PPP3CA: variants seen among roughly 807,000 people sequenced by gnomAD.
PPP3CA encodes the protein CAM-PRP catalytic subunit.
PPP3CA carries 14 observed loss-of-function variants against 66.5 expected under a neutral mutation model. The observed-to-expected ratio is 0.21, with a 90% confidence interval of 0.14 to 0.33. PPP3CA has a LOEUF of 0.33. PPP3CA is among the 10% of genes least tolerant of loss of function. The pLI is 1.00. For synonymous variants in PPP3CA, 232 were observed against 226.2 expected, an observed-to-expected ratio of 1.03 and a Z score of -0.23; for missense variants, 317 against 639.5, an observed-to-expected ratio of 0.50 and a Z score of 5.44.
chr4:101,068,474 G>T (rs200142649), intron 8 of PPP3CA, among the ~76,000 whole-genome samples: 66 of 151,998 alleles, frequency 4.3e-4, no homozygotes, highest in African/African-American at 1.4e-3. Flanking sequence ...GCATGCAGGG[G>T]TTTTTTTAAA....
chr4:101,329,593 G>T (rs1210872120), intron 1 of PPP3CA, among the ~76,000 whole-genome samples: 1 of 152,182 alleles, frequency 6.6e-6, no homozygotes, highest in Non-Finnish European at 1.5e-5. Context: ...TTCACAGCTA[G>T]AGAGGGGAAG....
Position 101,294,462 on chromosome 4 carries a change from T to C in PPP3CA, c.58+52277A>G, listed in dbSNP as rs550113481. ...CTCTATTTATTTGTTTGCCTTGGGG[T>C]ATTTCAGTATTATAATTTTATAACC... is the stretch of plus-strand genomic sequence containing the variant. On this transcript the variant is annotated intron_variant, in intron 1 of 13. Coordinates refer to ENST00000394854, the MANE Select transcript of PPP3CA (RefSeq NM_000944.5). Among the ~76,000 whole-genome samples, 21 of 152,312 alleles carry C rather than the reference T, an allele frequency of 1.4e-4. No homozygotes were observed. The South Asian group carries it at 3.5e-3, about 26-fold the overall frequency.
chr4:101,041,632 C>T (rs926630038), intron 10 of PPP3CA, among the ~76,000 whole-genome samples: 1 of 151,814 alleles, frequency 6.6e-6, no homozygotes, highest in Non-Finnish European at 1.5e-5. Context: ...ACAGGCTTCA[C>T]CAGGTTGGTC....
intron 11 of PPP3CA, among the ~76,000 whole-genome samples, chr4:101,033,787 C>A (rs189433674): frequency 1.3e-5 from 2 of 152,324 alleles, no homozygotes; most frequent in East Asian, 3.9e-4. Context: ...CAGTCACTCC[C>A]TATTTCCTTC....
intron 10 of PPP3CA, among the ~76,000 whole-genome samples, chr4:101,057,026 A>C (rs1264201973): frequency 6.6e-6 from 1 of 151,956 alleles, no homozygotes; most frequent in African/African-American, 2.4e-5. Flanking sequence ...CTGATTGCTT[A>C]TACTGAAATA....
At chr4:101,300,457 T>C (rs1247836753) in intron 1 of PPP3CA, among the ~76,000 whole-genome samples, 2 of 152,168 alleles carry the variant, frequency 1.3e-5, no homozygotes, top group African/African-American at 2.4e-5. Flanking sequence ...ATTACCATAG[T>C]GATAAAACCA....
At chr4:101,099,776 A>C in intron 3 of PPP3CA, 54 bp from the exon 4 acceptor site, 1 of 946,282 alleles carries the variant, frequency 1.1e-6, no homozygotes, top group Non-Finnish European at 1.5e-6. Flanking sequence ...ACACTTATGC[A>C]TTTCATTGCT....
chr4:101,111,133 C>A (rs768317729), intron 2 of PPP3CA, among the ~76,000 whole-genome samples: 1 of 152,110 alleles, frequency 6.6e-6, no homozygotes, highest in Non-Finnish European at 1.5e-5. Flanking sequence ...ATCACAAGCA[C>A]CACTTTCTCT....
chr4:101,106,009 A>T (rs1330721008), intron 3 of PPP3CA, among the ~76,000 whole-genome samples: 1 of 152,158 alleles, frequency 6.6e-6, no homozygotes, highest in Non-Finnish European at 1.5e-5. Context: ...AATAATTTTT[A>T]AAATATTCAC....
At chr4:101,126,194 G>A (rs1387013290) in intron 2 of PPP3CA, among the ~76,000 whole-genome samples, 1 of 152,156 alleles carries the variant, frequency 6.6e-6, no homozygotes, top group Non-Finnish European at 1.5e-5. Context: ...TTCTCCTACT[G>A]TAGTATCCTG....
chr4:101,127,404 T>C (rs1235969322), intron 2 of PPP3CA, among the ~76,000 whole-genome samples: 1 of 151,954 alleles, frequency 6.6e-6, no homozygotes, highest in Non-Finnish European at 1.5e-5. Context: ...CTTAATCCAA[T>C]ATAACTGGTG....
intron 1 of PPP3CA, among the ~76,000 whole-genome samples, chr4:101,276,040 G>T (rs1727486683): frequency 2.0e-5 from 3 of 151,760 alleles, no homozygotes; most frequent in African/African-American, 7.3e-5. Context: ...GATTAAAGGT[G>T]CACCATCATG....
intron 3 of PPP3CA, among the ~76,000 whole-genome samples, chr4:101,105,638 A>G (rs1271640339): frequency 6.6e-6 from 1 of 152,200 alleles, no homozygotes; most frequent in East Asian, 1.9e-4. Context: ...ATATTATCCA[A>G]AGATGGAGTT....
In PPP3CA at chr4:101,029,352, AAAAAAAAAAAAAAAAAAAAAG is replaced by A. The variant is rs1478380047; in HGVS notation, c.1340-178_1340-158del. On this transcript the variant is annotated intron_variant, in intron 12 of 13. Transcript: ENST00000394854. ...AGACAACAAAACAGAAATGCTAAAA[AAAAAAAAAAAAAAAAAAAAAG>A]AAAAAAAATGCCACAGAAATTATAA... 4.2e-3 allele frequency among the ~76,000 whole-genome samples: 583 copies of A among 138,766 alleles called. 4 individuals are homozygous for A. The highest frequency in any genetic ancestry group is 0.013 in the African/African-American group (506 of 38,274). 91.0% of individuals were successfully genotyped at this position (138,766 alleles called of 152,430 possible). A position where few individuals can be genotyped will look rare whatever the true frequency, so the allele number is the denominator to read the frequency against.
At chr4:101,298,613 T>C (rs1264418388) in intron 1 of PPP3CA, among the ~76,000 whole-genome samples, 3 of 152,094 alleles carry the variant, frequency 2.0e-5, no homozygotes, top group East Asian at 1.9e-4. Flanking sequence ...CCTTAATGAT[T>C]TTCTTCGTAA....
intron 2 of PPP3CA, among the ~76,000 whole-genome samples, chr4:101,116,744 A>G (rs1380913075): frequency 6.6e-6 from 1 of 151,922 alleles, no homozygotes; most frequent in East Asian, 1.9e-4. Flanking sequence ...AAAAAATAAC[A>G]TCGTTCTAAT....
intron 1 of PPP3CA, among the ~76,000 whole-genome samples, chr4:101,326,986 T>C (rs954546344): frequency 3.3e-4 from 50 of 152,178 alleles, no homozygotes; most frequent in East Asian, 1.9e-4. Context: ...CAAAAGCATT[T>C]TAAAATATAC....
intron 2 of PPP3CA, chr4:101,171,293 T>C: frequency 4.4e-6 from 2 of 449,450 alleles, no homozygotes; most frequent in South Asian, 3.2e-5. Context: ...TAAACATGTA[T>C]ATTCTTTAAA....
intron 1 of PPP3CA, among the ~76,000 whole-genome samples, chr4:101,286,686 C>T (rs1727855689): frequency 6.6e-6 from 1 of 152,230 alleles, no homozygotes; most frequent in African/African-American, 2.4e-5. Flanking sequence ...GCCACTGTGT[C>T]AGAATTTTAA....
Sources: allele counts gnomAD v4.1 joint callset (sites outside exome capture counted in the v4.1 genomes callset), GRCh38; gene constraint gnomAD v4.1.1; transcripts MANE v1.5; gene names NCBI Gene and HGNC (gene_info 2026-07-23, HGNC 2026-07-21).